Variants in AHCTF1 observed in about 807,000 individuals in gnomAD.
AHCTF1 encodes AT-hook containing transcription factor 1.
In AHCTF1, 24 loss-of-function variants were observed where a neutral mutation model predicts 248.4. That is an observed-to-expected ratio of 0.10 (90% CI 0.07 to 0.14). AHCTF1 has a LOEUF of 0.14. AHCTF1 is among the 10% of genes least tolerant of loss of function. The pLI, the probability that AHCTF1 is intolerant of heterozygous loss-of-function variation, is 1.00. For missense variants in AHCTF1, 2,206 were observed against 2,636.2 expected (o/e 0.84, Z 3.57); for synonymous variants, 786 against 929.8 (o/e 0.85, Z 2.81).
At chr1:246,903,558 G>A (rs973680043) in intron 7 of AHCTF1, among the ~76,000 whole-genome samples, 3 of 151,950 alleles carry the variant, frequency 2.0e-5, no homozygotes, top group African/African-American at 4.8e-5. Flanking sequence ...AGCCAGGTGC[G>A]GTGGCTCACA....
rs759223506 is a variant in AHCTF1 at position 246,839,261 on chromosome 1, A to G, written c.*1545T>C. On this transcript the variant is annotated 3_prime_UTR_variant, in exon 36 of 36. Coordinates refer to ENST00000648844, the MANE Select transcript of AHCTF1 (RefSeq NM_001323342.2). ...AAAAGTACACTTATTAAAAACAGGT[A>G]CCACACATCTATATTCACCAAATTG... The G allele has an allele frequency of 6.6e-6, 1 of 152,364 alleles. No individual in the cohort carries two copies. The highest frequency in any genetic ancestry group is 1.5e-5 in the Non-Finnish European group (1 of 68,160). The allele number at this position is 152,364 out of a possible 1,614,324, so 9.4% of individuals were successfully genotyped here.
At chr1:246,860,396 A>C (rs1296006642) in intron 29 of AHCTF1, among the ~76,000 whole-genome samples, 11 of 152,156 alleles carry the variant, frequency 7.2e-5, no homozygotes, top group Non-Finnish European at 1.5e-4. Context: ...TTCTTTTCTA[A>C]ATTTCACGGC....
In AHCTF1 at chr1:246,931,215, C is replaced by T. The variant is rs983210065; in HGVS notation, c.-8+363G>A. Reference sequence around the variant, plus strand: ...CCGCTTCCCTCGGGGAAAGGCCCGCCAACGAGTCCATCGCGTGGGAGAACA... The same window carrying T: ...CCGCTTCCCTCGGGGAAAGGCCCGCTAACGAGTCCATCGCGTGGGAGAACA... On this transcript the variant is annotated intron_variant, in intron 1 of 35. Coordinates refer to ENST00000648844, the MANE Select transcript of AHCTF1 (RefSeq NM_001323342.2). 41 of 1,550,164 alleles carry T rather than the reference C, an allele frequency of 2.6e-5. No individual in the cohort carries two copies. The African/African-American group carries it at 5.5e-4, about 21-fold the overall frequency.
Position 246,900,157 on chromosome 1 carries a change from T to C in AHCTF1, c.1340A>G (p.Asp447Gly), listed in dbSNP as rs1278871032. 1.9e-6 allele frequency: 3 copies of C among 1,610,272 alleles called. No individual in the cohort carries two copies. In the South Asian group the frequency reaches 3.3e-5, roughly 18 times the overall value. Residue 447 changes from aspartate to glycine, a missense_variant, in exon 10 of 36, where the codon GAT becomes GGT. Around this residue, in one of 6 missense-constraint regions of AHCTF1, gnomAD observed 650 missense variants for 870.8 expected, o/e 0.75. Coordinates refer to ENST00000648844, the MANE Select transcript of AHCTF1 (RefSeq NM_001323342.2). ...TAAACTTCTCTCATGTACTAATATA[T>C]CCAAGATGCCATGTGGAGAAGTCCT... Reference protein sequence around the residue: ...VSRTSPHGILDILVHERSLNR... With the variant: ...VSRTSPHGILGILVHERSLNR...
At chr1:246,857,460 C>T (rs1160121969) in intron 30 of AHCTF1, among the ~76,000 whole-genome samples, 1 of 152,166 alleles carries the variant, frequency 6.6e-6, no homozygotes, top group Non-Finnish European at 1.5e-5. Context: ...AACAGAATCA[C>T]CAGAGTTCTG....
At chr1:246,868,032 G>C (rs1199550563) in intron 24 of AHCTF1, among the ~76,000 whole-genome samples, 1 of 151,236 alleles carries the variant, frequency 6.6e-6, no homozygotes, top group South Asian at 2.1e-4. Context: ...GCATGATCTC[G>C]GCTCACTGCA....
chr1:246,853,064 AAG>A (rs1660833122), intron 32 of AHCTF1, 25 bp downstream of exon 32: 1 of 1,561,474 alleles, frequency 6.4e-7, no homozygotes. Flanking sequence ...AAGACTGATA[AAG>A]AAGTAAAAAA....
chr1:246,908,881 G>C (rs1474500525), intron 4 of AHCTF1, among the ~76,000 whole-genome samples: 8 of 148,554 alleles, frequency 5.4e-5, no homozygotes, highest in Non-Finnish European at 1.0e-4. Context: ...CTGGGTGACA[G>C]AGCAAGACTC....
chr1:246,867,896 CCCCCCCA>C, intron 24 of AHCTF1, 85 bp from the exon 25 acceptor site: 1 of 563,348 alleles, frequency 1.8e-6, no homozygotes, highest in Non-Finnish European at 2.6e-6. Context: ...ATTACACCCC[CCCCCCCA>C]CACACACACA....
chr1:246,869,671 G>C (rs1245749720), intron 24 of AHCTF1, among the ~76,000 whole-genome samples: 1 of 151,806 alleles, frequency 6.6e-6, no homozygotes, highest in African/African-American at 2.4e-5. Flanking sequence ...TTGACAGCAT[G>C]GTTTACCGAA....
intron 24 of AHCTF1, among the ~76,000 whole-genome samples, chr1:246,870,842 A>T (rs1339652313): frequency 6.6e-6 from 1 of 152,170 alleles, no homozygotes; most frequent in Non-Finnish European, 1.5e-5. Context: ...AATTCTTGAA[A>T]ATGGCCGGAT....
intron 1 of AHCTF1, chr1:246,931,357 G>A (rs1667345660): frequency 2.6e-6 from 4 of 1,537,608 alleles, no homozygotes; most frequent in Non-Finnish European, 3.5e-6. Flanking sequence ...CCGAGATTAT[G>A]TAACGAAGCC....
At chr1:246,845,787 C>G (rs1203700617) in intron 33 of AHCTF1, among the ~76,000 whole-genome samples, 1 of 152,120 alleles carries the variant, frequency 6.6e-6, no homozygotes, top group Non-Finnish European at 1.5e-5. Flanking sequence ...CAACTGTGTC[C>G]TAGCAAATGA....
intron 29 of AHCTF1, among the ~76,000 whole-genome samples, chr1:246,860,517 AG>A (rs1661458606): frequency 6.6e-6 from 1 of 152,200 alleles, no homozygotes; most frequent in Non-Finnish European, 1.5e-5. Context: ...CATTATGTCT[AG>A]GAACTAGTAT....
At chr1:246,867,840 T>A in intron 24 of AHCTF1, 29 bp from the exon 25 acceptor site, 1 of 1,567,720 alleles carries the variant, frequency 6.4e-7, no homozygotes, top group Non-Finnish European at 8.6e-7. Flanking sequence ...TGGAATTAAG[T>A]GCATCTCTAA....
chr1:246,920,627 G>A (rs7542895), intron 1 of AHCTF1, among the ~76,000 whole-genome samples: 3 of 151,512 alleles, frequency 2.0e-5, no homozygotes, highest in Non-Finnish European at 4.4e-5. Flanking sequence ...AAAATTAGCC[G>A]AGCGTGGTGG....
At chr1:246,913,908 T>G (rs1176369391) in intron 3 of AHCTF1, among the ~76,000 whole-genome samples, 1 of 152,122 alleles carries the variant, frequency 6.6e-6, no homozygotes, top group Non-Finnish European at 1.5e-5. Context: ...TCCAGAAAAA[T>G]TTACTGTTTA....
Position 246,918,284 on chromosome 1 carries a change from T to C in AHCTF1, c.87A>G (p.Thr29=), listed in dbSNP as rs553882206. 174 of 1,611,768 alleles carry C rather than the reference T, an allele frequency of 1.1e-4. 1 individual carries two copies. The East Asian group carries it at 3.7e-3, about 34-fold the overall frequency. Residue 29 remains threonine (T), a synonymous_variant, in exon 2 of 36, where the codon ACA becomes ACG. Transcript: ENST00000648844. The part of the protein sequence containing the change: ...TLQALGEDEI[T]LESVLRGKFA... The stretch of plus-strand genomic sequence containing the variant: ...ACTTTCCACGAAGCACAGATTCTAA[T>C]GTTATTTCGTCTTCTCCAAGGGCTT...
At chr1:246,868,543 C>T (rs56242683) in intron 24 of AHCTF1, among the ~76,000 whole-genome samples, 6,552 of 151,476 alleles carry the variant, frequency 0.043, 209 homozygotes, top group Non-Finnish European at 0.066. Context: ...TGTGAGCCAC[C>T]GGCCTGGCCT....
Sources: gnomAD v4.1 joint callset for allele counts (sites outside exome capture counted in the v4.1 genomes callset) on GRCh38, gnomAD v4.1.1 for gene constraint, gnomAD v4.1.1 regional missense constraint, MANE v1.5 for transcripts, NCBI Gene and HGNC (gene_info 2026-07-23, HGNC 2026-07-21) for gene names.